Variants in GALM observed in about 807,000 individuals in gnomAD.
The protein encoded by GALM is aldose 1-epimerase.
In GALM, 43 loss-of-function variants were observed where a neutral mutation model predicts 37.4. That is an observed-to-expected ratio of 1.15 (90% confidence interval 0.90 to 1.48). GALM has a LOEUF of 1.48. Among genes scored for constraint, GALM ranks in the 40% most tolerant of loss-of-function variants. The pLI is 0.00. For synonymous variants in GALM, 199 were observed against 170.6 expected, an observed-to-expected ratio of 1.17 and a Z score of -1.30; for missense variants, 456 against 419.1, an observed-to-expected ratio of 1.09 and a Z score of -0.77.
Position 38,681,474 on chromosome 2 carries a change from C to T in GALM, c.540C>T (p.Asn180=). ...PVNLTNHSYF[N]LAGQASPNIN... Reference sequence around the variant, plus strand: ...ACCTGACCAACCATTCTTACTTCAACCTGGCAGGCCAGGTAAGTGAACTTG... The same window carrying T: ...ACCTGACCAACCATTCTTACTTCAATCTGGCAGGCCAGGTAAGTGAACTTG... The change falls in exon 3 of 7, where the codon AAC becomes AAT. Residue 180 remains asparagine, a synonymous_variant. Transcript: ENST00000272252. 2 of 1,613,836 alleles carry T rather than the reference C, an allele frequency of 1.2e-6. No homozygotes were observed. The highest frequency in any genetic ancestry group is 1.7e-6 in the Non-Finnish European group (2 of 1,179,710).
chr2:38,714,076 G>A (rs938733075), intron 4 of GALM, among the ~76,000 whole-genome samples: 17 of 152,048 alleles, frequency 1.1e-4, no homozygotes, highest in African/African-American at 4.1e-4. Flanking sequence ...TAAGAGCTTT[G>A]TAAGTATTAA....
chr2:38,727,833 G>A (rs1291739949), intron 4 of GALM, among the ~76,000 whole-genome samples: 2 of 151,996 alleles, frequency 1.3e-5, no homozygotes, highest in African/African-American at 2.4e-5. Flanking sequence ...AGAACCAAAT[G>A]TTTTAAATGA....
rs569306351 is a variant in GALM, at chr2:38,692,671, A to C, written c.634+2777A>C. ...TGGGCTCTCTAGGAGTTGGCAGTCT[A>C]TGGGAAGGGTCAGCCAGAATTGTGT... is the stretch of plus-strand genomic sequence containing the variant. On this transcript the variant is annotated intron_variant, in intron 4 of 6. Coordinates refer to ENST00000272252, the MANE Select transcript of GALM (RefSeq NM_138801.3). 1.1e-3 allele frequency among the ~76,000 whole-genome samples: 165 copies of C among 152,298 alleles called. 2 individuals are homozygous for C. Among genetic ancestry groups the C allele is most frequent in the South Asian group, 7.7e-3 (37 of 4,824 alleles).
intron 1 of GALM, among the ~76,000 whole-genome samples, chr2:38,673,182 C>G (rs996944920): frequency 2.6e-5 from 4 of 152,150 alleles, no homozygotes; most frequent in African/African-American, 9.7e-5. Flanking sequence ...CTGTAACTGG[C>G]CTAATCAGCT....
At chr2:38,722,341 C>T (rs1399890714) in intron 4 of GALM, among the ~76,000 whole-genome samples, 4 of 152,122 alleles carry the variant, frequency 2.6e-5, no homozygotes, top group Non-Finnish European at 4.4e-5. Flanking sequence ...AGTTTCTGGT[C>T]TCTGTATTTA....
At chr2:38,702,469 A>C (rs1453427953) in intron 4 of GALM, among the ~76,000 whole-genome samples, 5 of 151,866 alleles carry the variant, frequency 3.3e-5, no homozygotes, top group Admixed American at 1.3e-4. Context: ...CCCCCAGCCT[A>C]CAGAGACCAC....
intron 4 of GALM, among the ~76,000 whole-genome samples, chr2:38,727,761 A>G (rs1172193275): frequency 6.6e-6 from 1 of 151,968 alleles, no homozygotes; most frequent in African/African-American, 2.4e-5. Flanking sequence ...AAATAAATGA[A>G]ATGTCCTCTT....
At chr2:38,722,005 G>C (rs1419505570) in intron 4 of GALM, among the ~76,000 whole-genome samples, 1 of 136,256 alleles carries the variant, frequency 7.3e-6, no homozygotes, top group African/African-American at 2.6e-5. Flanking sequence ...CCTTTTCACT[G>C]TCCCTCCCCA....
intron 4 of GALM, among the ~76,000 whole-genome samples, chr2:38,710,482 T>C (rs1183484945): frequency 6.6e-6 from 1 of 152,192 alleles, no homozygotes; most frequent in Non-Finnish European, 1.5e-5. Flanking sequence ...CCTTGGATCC[T>C]ATGTAGCAGG....
chr2:38,717,527 G>C (rs1444424201), intron 4 of GALM, among the ~76,000 whole-genome samples: 1 of 151,896 alleles, frequency 6.6e-6, no homozygotes, highest in Non-Finnish European at 1.5e-5. Flanking sequence ...AGCCTCCCAA[G>C]TAGCTGGGTT....
At chr2:38,731,711 C>T in intron 5 of GALM, 24 bp from the exon 6 acceptor site, 1 of 1,602,386 alleles carries the variant, frequency 6.2e-7, no homozygotes, top group Admixed American at 1.7e-5. Flanking sequence ...GCCCTGGACT[C>T]ATGTTGTTTG....
At chr2:38,700,400 A>G (rs1665892802) in intron 4 of GALM, among the ~76,000 whole-genome samples, 1 of 152,170 alleles carries the variant, frequency 6.6e-6, no homozygotes, top group Non-Finnish European at 1.5e-5. Flanking sequence ...TATATTATGT[A>G]TCTGGGCGCT....
intron 4 of GALM, among the ~76,000 whole-genome samples, chr2:38,706,108 C>G (rs1045543579): frequency 2.6e-5 from 4 of 151,916 alleles, no homozygotes; most frequent in Non-Finnish European, 4.4e-5. Flanking sequence ...CAGGTTCAAG[C>G]GATTCTCCTG....
In GALM at chr2:38,733,510, T is replaced by G. The variant is rs1390083048; in HGVS notation, c.974T>G (p.Leu325Arg). ...CAGCCCCGCTTCCCTCCTGTGCTGC[T>G]GAGGCCTGGTGAGGAGTATGACCAC... ...VNQPRFPPVL[L>R]RPGEEYDHTT... Residue 325 changes from leucine (L) to arginine (R), a missense_variant, in exon 7 of 7, where the codon CTG becomes CGG. Leu to Arg is a moderately radical substitution (Grantham distance 102). Coordinates refer to ENST00000272252, the MANE Select transcript of GALM (RefSeq NM_138801.3). 1.9e-6 allele frequency: 3 copies of G among 1,614,056 alleles called. No individual in the cohort carries two copies. Among genetic ancestry groups the G allele is most frequent in the South Asian group, 1.1e-5 (1 of 91,084 alleles).
chr2:38,731,122 G>C (rs764900173), intron 5 of GALM, among the ~76,000 whole-genome samples: 13 of 152,226 alleles, frequency 8.5e-5, no homozygotes, highest in Non-Finnish European at 1.8e-4. Context: ...AGCTACTCTA[G>C]AGGCTGAGGC....
chr2:38,706,958 A>G (rs1666046420), intron 4 of GALM, among the ~76,000 whole-genome samples: 1 of 151,982 alleles, frequency 6.6e-6, no homozygotes, highest in Non-Finnish European at 1.5e-5. Context: ...AGGCAGTTTA[A>G]TCATATTTAG....
At chr2:38,725,931 C>CA (rs1553385201) in intron 4 of GALM, among the ~76,000 whole-genome samples, 2 of 151,818 alleles carry the variant, frequency 1.3e-5, no homozygotes, top group Non-Finnish European at 2.9e-5. Context: ...AGGCTGGTCT[C>CA]AAACTCCTGA....
chr2:38,732,919 T>TAA (rs11424376), intron 6 of GALM, among the ~76,000 whole-genome samples: 5,478 of 97,828 alleles, frequency 0.056, 459 homozygotes, highest in African/African-American at 0.19. Context: ...ACCCTGTCTT[T>TAA]AAAAAAAAAA....
At position 38,666,357 on chromosome 2, in the gene GALM, T is replaced by G; in HGVS notation, c.190+6T>G. The G allele has an allele frequency of 6.2e-7, 1 of 1,607,304 alleles. No individual in the cohort carries two copies. The highest frequency in any genetic ancestry group is 8.5e-7 in the Non-Finnish European group (1 of 1,175,874). On this transcript the variant is annotated splice_donor_region_variant and intron_variant, in intron 1 of 6. Transcript: ENST00000272252. ...TGGCTTCGCCGAGTTGGAAGGTGGG[T>G]TGAACTGTGCCCTGGGCTGCGAGCA...
Sources: gnomAD v4.1 joint callset for allele counts (sites outside exome capture counted in the v4.1 genomes callset) on GRCh38, gnomAD v4.1.1 for gene constraint, MANE v1.5 for transcripts, NCBI Gene and HGNC (gene_info 2026-07-23, HGNC 2026-07-21) for gene names.